Variants in FRMPD4 observed in about 807,000 individuals in gnomAD.
FRMPD4 encodes the protein FERM and PDZ domain containing 4, also known as FERM and PDZ domain-containing protein 4.
A neutral mutation model predicts 94.1 loss-of-function variants in FRMPD4; 22 were observed. The ratio of observed to expected loss-of-function variants is 0.23; its 90% confidence interval spans 0.17 to 0.33. FRMPD4 has a LOEUF of 0.33. FRMPD4 is among the 10% of genes least tolerant of loss of function. FRMPD4 has a pLI of 1.00. For missense variants in FRMPD4, 1,111 were observed against 1,339.9 expected (o/e 0.83, Z 2.67); for synonymous variants, 631 against 548.6 (o/e 1.15, Z -2.10).
intron 4 of FRMPD4, among the ~76,000 whole-genome samples, chrX:12,627,225 G>A (rs964585173): frequency 1.7e-4 from 19 of 112,118 alleles, no homozygotes; most frequent in African/African-American, 2.3e-4. Flanking sequence ...TTAGTGAGCC[G>A]AGATCACGCC....
intron 3 of FRMPD4, among the ~76,000 whole-genome samples, chrX:12,087,512 G>A (rs2055120663): frequency 9.0e-6 from 1 of 111,641 alleles, no homozygotes; most frequent in Admixed American, 9.5e-5. Context: ...ACCCAAGCTG[G>A]GTTATGTAAT....
chrX:12,665,398 T>C (rs1337771445), intron 4 of FRMPD4, among the ~76,000 whole-genome samples: 5 of 109,676 alleles, frequency 4.6e-5, no homozygotes, highest in Non-Finnish European at 1.9e-5. Flanking sequence ...GAGCCAAGAT[T>C]GCACCACTGC....
At chrX:12,498,605 C>T (rs2148224084) in intron 1 of FRMPD4, 75 bp from the exon 2 acceptor site, 1 of 613,337 alleles carries the variant, frequency 1.6e-6, no homozygotes, top group South Asian at 2.2e-5. Flanking sequence ...AAGTCACATT[C>T]TCCTTCCAGA....
intron 3 of FRMPD4, among the ~76,000 whole-genome samples, chrX:12,105,045 A>G (rs920272155): frequency 9.0e-6 from 1 of 111,428 alleles, no homozygotes; most frequent in East Asian, 2.8e-4. Flanking sequence ...TGCACTGAAG[A>G]CCGAGTTCAG....
chrX:12,165,636 T>C (rs2056103438), intron 1 of FRMPD4, among the ~76,000 whole-genome samples: 1 of 111,840 alleles, frequency 8.9e-6, no homozygotes, highest in South Asian at 3.8e-4. Flanking sequence ...TAAATTACCT[T>C]GGGCAGTATG....
At chrX:12,237,251 A>ATTT (rs60142669) in intron 1 of FRMPD4, among the ~76,000 whole-genome samples, 29 of 108,665 alleles carry the variant, frequency 2.7e-4, no homozygotes, top group South Asian at 1.6e-3. Context: ...AAGTACAGAA[A>ATTT]TTTTTTTTTT....
intron 3 of FRMPD4, among the ~76,000 whole-genome samples, chrX:11,964,973 G>C (rs1268890111): frequency 8.9e-6 from 1 of 112,500 alleles, no homozygotes; most frequent in Non-Finnish European, 1.9e-5. Context: ...CAGTGATAGC[G>C]GGCTTTCTCA....
intron 4 of FRMPD4, among the ~76,000 whole-genome samples, chrX:12,652,457 G>A (rs945399122): frequency 1.8e-5 from 2 of 111,368 alleles, no homozygotes; most frequent in African/African-American, 3.3e-5. Flanking sequence ...AACCATCACC[G>A]TTATCTATTT....
chrX:12,274,791 C>T (rs1204330367), intron 1 of FRMPD4, among the ~76,000 whole-genome samples: 3 of 112,399 alleles, frequency 2.7e-5, no homozygotes, highest in Non-Finnish European at 5.6e-5. Context: ...GGGCGGATCA[C>T]GAGGTCAGGA....
intron 2 of FRMPD4, among the ~76,000 whole-genome samples, chrX:12,543,451 C>G (rs1387673312): frequency 3.6e-5 from 4 of 112,098 alleles, no homozygotes; most frequent in Non-Finnish European, 7.5e-5. Context: ...ACACTTCTCA[C>G]AAGAAGACAT....
chrX:12,307,430 T>C (rs1047834188), intron 1 of FRMPD4, among the ~76,000 whole-genome samples: 1 of 112,424 alleles, frequency 8.9e-6, no homozygotes, highest in Admixed American at 9.4e-5. Flanking sequence ...AAAGAATGCA[T>C]CATTGCTCCA....
intron 3 of FRMPD4, among the ~76,000 whole-genome samples, chrX:12,104,656 G>A (rs2147513278): frequency 8.9e-6 from 1 of 112,280 alleles, no homozygotes; most frequent in East Asian, 2.8e-4. Context: ...CTTTGTTTTT[G>A]TCATATTTAT....
intron 4 of FRMPD4, among the ~76,000 whole-genome samples, chrX:12,620,087 C>T (rs2059273876): frequency 8.9e-6 from 1 of 112,442 alleles, no homozygotes; most frequent in African/African-American, 3.2e-5. Context: ...AACCTTGATC[C>T]AACTGCAGAT....
intron 3 of FRMPD4, among the ~76,000 whole-genome samples, chrX:11,966,335 G>A (rs773570645): frequency 2.7e-5 from 3 of 111,163 alleles, no homozygotes; most frequent in African/African-American, 9.8e-5. Context: ...GAGCTTGTTT[G>A]CCCCTTCTTC....
At position 12,706,919 on chromosome X, in the gene FRMPD4, ATTTCTT is replaced by A; in HGVS notation, c.1287+8_1287+13del. On this transcript the variant is annotated splice_donor_5th_base_variant and intron_variant, in intron 12 of 16. Coordinates refer to ENST00000675598, the MANE Select transcript of FRMPD4 (RefSeq NM_001368397.1). ...TGTGTTCAAGGCAACATTAGTGGTA[ATTTCTT>A]TTTTTTTTTTTTTTTTGCTTTCTCT... 1.2e-6 allele frequency: 1 copy of A among 806,139 alleles called. No homozygotes were observed. Among genetic ancestry groups the A allele is most frequent in the Non-Finnish European group, 1.8e-6 (1 of 571,126 alleles). 66.4% of individuals were successfully genotyped at this position (806,139 alleles called of 1,213,427 possible). A position where few individuals can be genotyped will look rare whatever the true frequency, so the allele number is the denominator to read the frequency against.
chrX:12,368,889 A>G (rs2056123144), intron 1 of FRMPD4, among the ~76,000 whole-genome samples: 1 of 111,744 alleles, frequency 8.9e-6, no homozygotes, highest in African/African-American at 3.3e-5. Context: ...AACAAAAACA[A>G]AAACAAACAA....
At chrX:12,104,154 A>G (rs2055277198) in intron 3 of FRMPD4, among the ~76,000 whole-genome samples, 1 of 112,449 alleles carries the variant, frequency 8.9e-6, no homozygotes, top group South Asian at 3.7e-4. Flanking sequence ...TGATAATATT[A>G]TTAATTCATT....
intron 1 of FRMPD4, among the ~76,000 whole-genome samples, chrX:11,852,442 C>CAAAAAAAAAAAAAAAA (rs374590200): frequency 1.9e-5 from 1 of 52,638 alleles, no homozygotes. Context: ...ACCCTGTCTC[C>CAAAAAAAAAAAAAAAA]AAAAAAAAAA....
At chrX:12,569,852 T>G (rs1043865363) in intron 2 of FRMPD4, among the ~76,000 whole-genome samples, 1 of 112,035 alleles carries the variant, frequency 8.9e-6, no homozygotes, top group African/African-American at 3.2e-5. Context: ...GTACTTGGTA[T>G]AGCATTAGTG....
Sources: allele counts gnomAD v4.1 joint callset (sites outside exome capture counted in the v4.1 genomes callset), GRCh38; gene constraint gnomAD v4.1.1; transcripts MANE v1.5; gene names NCBI Gene and HGNC (gene_info 2026-07-23, HGNC 2026-07-21).